Variants in PDE4D observed in about 807,000 individuals in gnomAD.
The protein encoded by PDE4D is phosphodiesterase 4D, also known as 3',5'-cyclic-AMP phosphodiesterase 4D.
In PDE4D, 24 loss-of-function variants were observed where a neutral mutation model predicts 87.4. The observed-to-expected ratio is 0.27, with a 90% CI of 0.20 to 0.39. The LOEUF is 0.39. Among genes scored for constraint, PDE4D ranks in the 10% least tolerant of loss-of-function variants. The pLI, the probability that PDE4D is intolerant of heterozygous loss-of-function variation, is 1.00. For synonymous variants in PDE4D, 384 were observed against 383.2 expected (o/e 1.00, Z -0.02); for missense variants, 714 against 1,041.0 (o/e 0.69, Z 4.32).
chr5:60,065,270 CGTGT>C (rs10606448), intron 2 of PDE4D, among the ~76,000 whole-genome samples: 42,860 of 148,704 alleles, frequency 0.29, 6,782 homozygotes, highest in East Asian at 0.73. Context: ...GTGTGTGTGT[CGTGT>C]GTGTGTGTGT....
At chr5:59,815,683 A>G (rs928683424) in intron 1 of PDE4D, among the ~76,000 whole-genome samples, 17 of 152,200 alleles carry the variant, frequency 1.1e-4, no homozygotes, top group Non-Finnish European at 2.4e-4. Context: ...AATGCTACAG[A>G]CCTGGCTGAA....
chr5:59,845,713 A>C (rs182274063), intron 1 of PDE4D, among the ~76,000 whole-genome samples: 1 of 152,250 alleles, frequency 6.6e-6, no homozygotes, highest in East Asian at 1.9e-4. Context: ...CGAATAATTC[A>C]TGTGTGCATT....
chr5:59,438,113 G>A (rs1797051544), intron 1 of PDE4D, among the ~76,000 whole-genome samples: 1 of 152,114 alleles, frequency 6.6e-6, no homozygotes, highest in South Asian at 2.1e-4. Context: ...ACAACACATG[G>A]GGATTGTTGG....
chr5:59,905,222 T>C (rs956854126), intron 3 of PDE4D, among the ~76,000 whole-genome samples: 2 of 152,160 alleles, frequency 1.3e-5, no homozygotes, highest in South Asian at 4.1e-4. Context: ...ATTTTCTTCA[T>C]GCATAAATAA....
chr5:59,675,105 C>T (rs1036213831), intron 1 of PDE4D, among the ~76,000 whole-genome samples: 6 of 152,132 alleles, frequency 3.9e-5, no homozygotes, highest in Non-Finnish European at 5.9e-5. Flanking sequence ...GTAAATATTC[C>T]AAAAGCATTT....
chr5:59,152,414 A>G (rs1361856185), intron 5 of PDE4D, among the ~76,000 whole-genome samples: 1 of 152,172 alleles, frequency 6.6e-6, no homozygotes, highest in East Asian at 1.9e-4. Context: ...TGCCTACTAT[A>G]TTGTTTCTAC....
At chr5:60,301,358 T>C (rs1753876103) in intron 1 of PDE4D, among the ~76,000 whole-genome samples, 1 of 152,232 alleles carries the variant, frequency 6.6e-6, no homozygotes, top group Non-Finnish European at 1.5e-5. Context: ...TGAAATGTTG[T>C]TCCATTCGTG....
intron 1 of PDE4D, among the ~76,000 whole-genome samples, chr5:59,830,811 G>A (rs1445065415): frequency 6.6e-6 from 1 of 152,040 alleles, no homozygotes; most frequent in Non-Finnish European, 1.5e-5. Flanking sequence ...TTTTAATTGG[G>A]TTCAAGTTTC....
At chr5:59,958,036 T>C (rs1290050563) in intron 3 of PDE4D, among the ~76,000 whole-genome samples, 1 of 152,182 alleles carries the variant, frequency 6.6e-6, no homozygotes, top group Admixed American at 6.5e-5. Context: ...TTGGCATTTC[T>C]AGCAAACATT....
At chr5:59,222,443 C>A (rs1318564236) in intron 1 of PDE4D, among the ~76,000 whole-genome samples, 1 of 152,134 alleles carries the variant, frequency 6.6e-6, no homozygotes, top group Non-Finnish European at 1.5e-5. Context: ...ATACTTAGCA[C>A]TGACCCCCAG....
intron 1 of PDE4D, among the ~76,000 whole-genome samples, chr5:59,388,626 T>TACACACAC (rs71604788): frequency 6.8e-4 from 101 of 148,304 alleles, no homozygotes; most frequent in African/African-American, 2.2e-3. Context: ...GAAAATGTGG[T>TACACACAC]ACACACACAC....
chr5:59,344,430 T>C (rs1041419797), intron 1 of PDE4D, among the ~76,000 whole-genome samples: 3 of 152,066 alleles, frequency 2.0e-5, no homozygotes, highest in African/African-American at 7.2e-5. Flanking sequence ...AGAGATGAGG[T>C]CTCACTCTGT....
At chr5:59,984,324 G>A (rs1762201845) in intron 3 of PDE4D, among the ~76,000 whole-genome samples, 1 of 152,166 alleles carries the variant, frequency 6.6e-6, no homozygotes, top group Non-Finnish European at 1.5e-5. Flanking sequence ...AACATTTCAA[G>A]TCATTAATAG....
chr5:60,109,682 T>C (rs761681543), intron 2 of PDE4D, among the ~76,000 whole-genome samples: 2 of 152,124 alleles, frequency 1.3e-5, no homozygotes, highest in Non-Finnish European at 2.9e-5. Flanking sequence ...TAAGCAGACA[T>C]AAAAAATGAT....
chr5:59,776,315 A>T (rs981998933), intron 1 of PDE4D, among the ~76,000 whole-genome samples: 8 of 152,072 alleles, frequency 5.3e-5, no homozygotes, highest in South Asian at 2.1e-4. Context: ...TTAATAACTT[A>T]AAAAAAATCT....
At chr5:59,039,177 G>A in intron 5 of PDE4D, 1 of 1,357,348 alleles carries the variant, frequency 7.4e-7, no homozygotes, top group Non-Finnish European at 9.5e-7. Flanking sequence ...GGGGAGGCAC[G>A]GTCTCTCCAG....
intron 1 of PDE4D, among the ~76,000 whole-genome samples, chr5:59,749,037 AT>A: frequency 6.6e-6 from 1 of 152,256 alleles, no homozygotes; most frequent in South Asian, 2.1e-4. Flanking sequence ...CTGCTCCCTG[AT>A]TTCTCAGAAA....
At chr5:60,379,849 T>C (rs1761723103) in intron 1 of PDE4D, among the ~76,000 whole-genome samples, 1 of 152,144 alleles carries the variant, frequency 6.6e-6, no homozygotes, top group South Asian at 2.1e-4. Flanking sequence ...CTCACTGTCA[T>C]TGAATAGCAC....
At chr5:59,379,647 G>A (rs1018834504) in intron 1 of PDE4D, among the ~76,000 whole-genome samples, 2 of 151,872 alleles carry the variant, frequency 1.3e-5, no homozygotes, top group African/African-American at 2.4e-5. Context: ...TATTGGCTGG[G>A]TCTAATATGA....
Sources: gnomAD v4.1 joint callset for allele counts (sites outside exome capture counted in the v4.1 genomes callset) on GRCh38, gnomAD v4.1.1 for gene constraint, MANE v1.5 for transcripts, NCBI Gene and HGNC (gene_info 2026-07-23, HGNC 2026-07-21) for gene names.